Variants in COA1 observed in about 807,000 individuals in gnomAD.
COA1 encodes cytochrome c oxidase assembly factor 1.
COA1 carries 13 observed loss-of-function variants against 16.0 expected under a neutral mutation model. That is an observed-to-expected ratio of 0.81 (90% confidence interval 0.53 to 1.29). The LOEUF (loss-of-function observed/expected upper bound fraction) is 1.29. COA1 is among the 50% of genes most tolerant of loss of function. The pLI, the probability that COA1 is intolerant of heterozygous loss-of-function variation, is 0.00. For synonymous variants in COA1, 65 were observed against 65.7 expected (o/e 0.99, Z 0.05); for missense variants, 179 against 177.0 (o/e 1.01, Z -0.06).
intron 1 of COA1, among the ~76,000 whole-genome samples, chr7:43,680,302 A>G: frequency 6.6e-6 from 1 of 151,054 alleles, no homozygotes; most frequent in East Asian, 1.9e-4. Flanking sequence ...AAAAAAAAAA[A>G]GTAAGTAGGG....
chr7:43,725,699 A>T (rs2095603232), intron 1 of COA1, among the ~76,000 whole-genome samples: 1 of 152,018 alleles, frequency 6.6e-6, no homozygotes, highest in African/African-American at 2.4e-5. Flanking sequence ...CTCTACTATA[A>T]AACAAAAAAA....
intron 1 of COA1, among the ~76,000 whole-genome samples, chr7:43,676,757 TCA>T (rs1235859560): frequency 1.3e-5 from 2 of 152,020 alleles, no homozygotes; most frequent in Non-Finnish European, 2.9e-5. Context: ...TATCAAAATA[TCA>T]CATTGTACCC....
chr7:43,709,885 C>A (rs1418708065), intron 1 of COA1, among the ~76,000 whole-genome samples: 1 of 152,040 alleles, frequency 6.6e-6, no homozygotes, highest in Non-Finnish European at 1.5e-5. Context: ...TGCCTGAGGG[C>A]CTAAGACTGC....
chr7:43,665,934 G>A (rs2092852964), intron 1 of COA1, among the ~76,000 whole-genome samples: 1 of 152,126 alleles, frequency 6.6e-6, no homozygotes, highest in Non-Finnish European at 1.5e-5. Context: ...ATCACAGACA[G>A]AGTAAATTTG....
intron 1 of COA1, among the ~76,000 whole-genome samples, chr7:43,700,628 G>A (rs1482016181): frequency 2.2e-5 from 3 of 134,640 alleles, no homozygotes; most frequent in Non-Finnish European, 3.3e-5. Context: ...GTTAGAGTAA[G>A]GTACCTAAAT....
chr7:43,675,996 G>A (rs981419958), intron 1 of COA1, among the ~76,000 whole-genome samples: 7 of 152,126 alleles, frequency 4.6e-5, no homozygotes, highest in African/African-American at 1.7e-4. Context: ...ACCCATCGGT[G>A]ATAACTGCTT....
intron 6 of COA1, chr7:43,624,436 A>G: frequency 4.5e-6 from 6 of 1,319,712 alleles, no homozygotes; most frequent in Non-Finnish European, 6.0e-6. Flanking sequence ...CCCAAAATAT[A>G]ATGCAATAAA....
intron 1 of COA1, among the ~76,000 whole-genome samples, chr7:43,721,999 C>A (rs1431420938): frequency 6.6e-6 from 1 of 151,996 alleles, no homozygotes; most frequent in Non-Finnish European, 1.5e-5. Flanking sequence ...CATTGCACAC[C>A]AGAAGTCAAT....
At chr7:43,644,720 A>AGATAGATAGATAGATTAGAT (rs1246807426) in intron 4 of COA1, among the ~76,000 whole-genome samples, 26 of 21,080 alleles carry the variant, frequency 1.2e-3, no homozygotes, top group African/African-American at 3.6e-3. Flanking sequence ...TTAGATAGAT[A>AGATAGATAGATAGATTAGAT]GATAGATAGA....
Position 43,661,258 on chromosome 7 carries a change from G to A in COA1, c.-38-12606C>T, listed in dbSNP as rs201583546. On this transcript the variant is annotated intron_variant, in intron 1 of 5. Coordinates refer to ENST00000223336, the MANE Select transcript of COA1 (RefSeq NM_018224.4). ...TAGAATGCCTCATATCTAACACATA[G>A]AATAGGAGATCAATGTTTGTGGCAT... Among the ~76,000 whole-genome samples the A allele has an allele frequency of 2.0e-5, 3 of 152,180 alleles. No individual in the cohort carries two copies. The East Asian group carries it at 5.8e-4, about 29-fold the overall frequency.
At chr7:43,687,755 TC>T (rs1213365869) in intron 1 of COA1, among the ~76,000 whole-genome samples, 1 of 152,112 alleles carries the variant, frequency 6.6e-6, no homozygotes, top group Non-Finnish European at 1.5e-5. Context: ...TTTCAACATA[TC>T]TTTTGAGCAT....
rs1236958710 is a variant in COA1 at position 43,623,408 on chromosome 7, A to T, written c.*134-13913T>A. 4.9e-6 allele frequency: 3 copies of T among 612,854 alleles called. No individual in the cohort carries two copies. In the African/African-American group the frequency reaches 5.7e-5, roughly 12 times the overall value. The allele number at this position is 612,854 out of a possible 1,614,324, so 38.0% of individuals were successfully genotyped here. A position where few individuals can be genotyped will look rare whatever the true frequency, so the allele number is the denominator to read the frequency against. On this transcript the variant is annotated intron_variant and NMD_transcript_variant, in intron 6 of 6. Coordinates refer to the COA1 transcript ENST00000415076. ...GTAAACAAGTTAATTACAAACATCT[A>T]GTTAGGCTTTATATTAATTCATATT... is the stretch of plus-strand genomic sequence containing the variant.
At chr7:43,689,795 T>C (rs1280184744) in intron 1 of COA1, among the ~76,000 whole-genome samples, 1 of 152,184 alleles carries the variant, frequency 6.6e-6, no homozygotes, top group Non-Finnish European at 1.5e-5. Flanking sequence ...TTGTATGAAA[T>C]AGTGTATTAC....
chr7:43,657,534 G>A (rs890569147), intron 1 of COA1, among the ~76,000 whole-genome samples: 2 of 152,092 alleles, frequency 1.3e-5, no homozygotes, highest in Admixed American at 1.3e-4. Context: ...ACAAATATTT[G>A]CCAACTGCAT....
In COA1 at chr7:43,646,381, CTT is replaced by C. The variant is rs530317870; in HGVS notation, c.116-984_116-983del. 3.5e-3 allele frequency: 1,269 copies of C among 357,782 alleles called. 9 individuals are homozygous for C. Among genetic ancestry groups the C allele is most frequent in the Middle Eastern group, 7.7e-3 (20 of 2,600 alleles). The allele number at this position is 357,782 out of a possible 1,614,324, so 22.2% of individuals were successfully genotyped here. ...ACACATCTCACAATGTTCAACAGCT[CTT>C]GTGTTGTGAGATTCAATTCTCACCT... On this transcript the variant is annotated intron_variant, in intron 3 of 5. Coordinates refer to ENST00000223336, the MANE Select transcript of COA1 (RefSeq NM_018224.4).
At chr7:43,689,003 G>A (rs987107600) in intron 1 of COA1, among the ~76,000 whole-genome samples, 2 of 152,214 alleles carry the variant, frequency 1.3e-5, no homozygotes, top group Admixed American at 1.3e-4. Context: ...AAGGGAAGCT[G>A]AGATTGGCTC....
At chr7:43,717,608 A>G (rs1393595364) in intron 1 of COA1, among the ~76,000 whole-genome samples, 2 of 152,160 alleles carry the variant, frequency 1.3e-5, no homozygotes, top group Non-Finnish European at 2.9e-5. Flanking sequence ...TTTTGGGTTA[A>G]TGCTGAAATG....
intron 1 of COA1, among the ~76,000 whole-genome samples, chr7:43,668,591 A>C (rs1243570096): frequency 6.6e-6 from 1 of 152,216 alleles, no homozygotes; most frequent in East Asian, 1.9e-4. Flanking sequence ...TTTTGCCTAC[A>C]TTTTAGACTA....
chr7:43,648,836 G>A, intron 1 of COA1, 184 bp from the exon 2 acceptor site: 1 of 540,320 alleles, frequency 1.9e-6, no homozygotes, highest in Non-Finnish European at 3.3e-6. Context: ...TGCCAAATTA[G>A]GAAGAAAAAA....
Sources: gnomAD v4.1 joint callset for allele counts (sites outside exome capture counted in the v4.1 genomes callset) on GRCh38, gnomAD v4.1.1 for gene constraint, MANE v1.5 for transcripts, NCBI Gene and HGNC (gene_info 2026-07-23, HGNC 2026-07-21) for gene names.